Variants in SCAPER observed in about 807,000 individuals in gnomAD.
The protein encoded by SCAPER is S-phase cyclin A associated protein in the ER.
SCAPER carries 98 observed loss-of-function variants against 182.2 expected under a neutral mutation model. That is an observed-to-expected ratio of 0.54 (90% CI 0.46 to 0.64). SCAPER has a LOEUF of 0.64. Ranked by LOEUF, SCAPER falls within the 30% of genes least tolerant of loss-of-function variation. The pLI is 0.00. For missense variants in SCAPER, 1,432 were observed against 1,690.0 expected, an observed-to-expected ratio of 0.85 and a Z score of 2.68; for synonymous variants, 605 against 564.6, an observed-to-expected ratio of 1.07 and a Z score of -1.01.
At chr15:76,756,488 G>A (rs932941947) in intron 14 of SCAPER, among the ~76,000 whole-genome samples, 5 of 152,148 alleles carry the variant, frequency 3.3e-5, no homozygotes, top group Non-Finnish European at 4.4e-5. Flanking sequence ...TGAGGCAGGA[G>A]GATGGCTTGA....
chr15:76,521,703 C>T (rs2042851269), intron 23 of SCAPER, among the ~76,000 whole-genome samples: 1 of 152,132 alleles, frequency 6.6e-6, no homozygotes. Context: ...CTACATATTC[C>T]TCCCATAATT....
intron 2 of SCAPER, among the ~76,000 whole-genome samples, chr15:76,862,853 A>G (rs923109954): frequency 6.6e-6 from 1 of 152,216 alleles, no homozygotes; most frequent in Non-Finnish European, 1.5e-5. Context: ...TCCAAGTGTG[A>G]AAGAGACCAG....
At chr15:76,625,649 G>A (rs1196165830) in intron 21 of SCAPER, among the ~76,000 whole-genome samples, 1 of 152,136 alleles carries the variant, frequency 6.6e-6, no homozygotes, top group Admixed American at 6.5e-5. Flanking sequence ...GCTGCTCAGG[G>A]CTCAGGAGTA....
At chr15:76,815,556 C>T (rs898518753) in intron 5 of SCAPER, among the ~76,000 whole-genome samples, 8 of 152,172 alleles carry the variant, frequency 5.3e-5, no homozygotes, top group African/African-American at 1.9e-4. Context: ...CGTTATATGG[C>T]ATGGCCTATT....
rs543440452 is a variant in SCAPER at position 76,433,268 on chromosome 15, G to C, written c.3311+810C>G. On this transcript the variant is annotated intron_variant, in intron 26 of 31. Coordinates refer to ENST00000563290, the MANE Select transcript of SCAPER (RefSeq NM_020843.4). ...CACACCTGTAATCCCAGCACTTTGG[G>C]AGATGGAGGCGGGTGGGTCATTTGT... Among the ~76,000 whole-genome samples, 156 of 152,276 alleles carry C rather than the reference G, an allele frequency of 1.0e-3. 3 individuals are homozygous for C. Among genetic ancestry groups the C allele is most frequent in the African/African-American group, 3.7e-3 (152 of 41,542 alleles).
intron 8 of SCAPER, among the ~76,000 whole-genome samples, chr15:76,793,007 CCTTT>C (rs778943659): frequency 7.9e-5 from 12 of 152,214 alleles, no homozygotes; most frequent in Non-Finnish European, 1.6e-4. Flanking sequence ...CCATCTTTCT[CCTTT>C]CTAACTTCCA....
At chr15:76,534,106 T>G (rs1002584956) in intron 23 of SCAPER, among the ~76,000 whole-genome samples, 1 of 152,228 alleles carries the variant, frequency 6.6e-6, no homozygotes, top group African/African-American at 2.4e-5. Context: ...CCTGACAGTT[T>G]GCAGATTAAA....
intron 29 of SCAPER, among the ~76,000 whole-genome samples, chr15:76,373,417 AG>A (rs745857745): frequency 6.6e-6 from 1 of 152,156 alleles, no homozygotes; most frequent in Non-Finnish European, 1.5e-5. Context: ...GCAATTTAAT[AG>A]GTTGAATGGA....
chr15:76,774,061 A>T (rs1222877482), intron 9 of SCAPER, among the ~76,000 whole-genome samples: 1 of 151,884 alleles, frequency 6.6e-6, no homozygotes, highest in African/African-American at 2.4e-5. Context: ...AGCAAATTAC[A>T]CTCAATTTTC....
chr15:76,575,537 T>C (rs951892251), intron 22 of SCAPER, among the ~76,000 whole-genome samples: 1 of 152,350 alleles, frequency 6.6e-6, no homozygotes, highest in East Asian at 1.9e-4. Context: ...ATTACAGTCA[T>C]TCCTTCCAGA....
At chr15:76,438,159 G>A (rs2047317820) in intron 25 of SCAPER, among the ~76,000 whole-genome samples, 1 of 151,606 alleles carries the variant, frequency 6.6e-6, no homozygotes, top group Admixed American at 6.6e-5. Context: ...GCAGGTGCCT[G>A]TAATCCCAGC....
At chr15:76,580,530 G>A (rs1253683276) in intron 22 of SCAPER, among the ~76,000 whole-genome samples, 3 of 152,108 alleles carry the variant, frequency 2.0e-5, no homozygotes, top group Admixed American at 2.0e-4. Flanking sequence ...TAAGATAGAA[G>A]GCCCCCTTGA....
intron 5 of SCAPER, among the ~76,000 whole-genome samples, chr15:76,826,685 A>G (rs1312548545): frequency 1.3e-5 from 2 of 152,238 alleles, no homozygotes; most frequent in African/African-American, 4.8e-5. Context: ...AATAAATTAT[A>G]AAAGGAAAAA....
intron 9 of SCAPER, among the ~76,000 whole-genome samples, chr15:76,773,380 T>C (rs1349281165): frequency 6.6e-6 from 1 of 151,894 alleles, no homozygotes; most frequent in East Asian, 1.9e-4. Context: ...AGCATATAGG[T>C]TTATTCACTA....
chr15:76,660,161 G>A (rs553541400), intron 21 of SCAPER, among the ~76,000 whole-genome samples: 1 of 152,256 alleles, frequency 6.6e-6, no homozygotes, highest in African/African-American at 2.4e-5. Flanking sequence ...AATACTACAT[G>A]TTCTCATAAG....
At chr15:76,757,553 A>G (rs975296296) in intron 14 of SCAPER, among the ~76,000 whole-genome samples, 1 of 152,132 alleles carries the variant, frequency 6.6e-6, no homozygotes, top group African/African-American at 2.4e-5. Context: ...TATTACGAAT[A>G]ATGTTACAGT....
chr15:76,855,591 C>T (rs1297121162), intron 4 of SCAPER, among the ~76,000 whole-genome samples: 2 of 151,344 alleles, frequency 1.3e-5, no homozygotes, highest in Non-Finnish European at 2.9e-5. Context: ...AAACAAACAA[C>T]CCCATTAAAA....
At chr15:76,748,290 G>A (rs373827051) in intron 15 of SCAPER, among the ~76,000 whole-genome samples, 62 of 152,046 alleles carry the variant, frequency 4.1e-4, no homozygotes, top group African/African-American at 1.4e-3. Flanking sequence ...GCGCCTGGCC[G>A]AAATATGGAT....
intron 20 of SCAPER, among the ~76,000 whole-genome samples, chr15:76,686,296 A>T (rs912896986): frequency 5.0e-4 from 76 of 152,228 alleles, no homozygotes; most frequent in Middle Eastern, 3.4e-3. Context: ...ATACTTACCT[A>T]AAACATGAAG....
Sources: gnomAD v4.1 joint callset for allele counts (sites outside exome capture counted in the v4.1 genomes callset) on GRCh38, gnomAD v4.1.1 for gene constraint, MANE v1.5 for transcripts, NCBI Gene and HGNC (gene_info 2026-07-23, HGNC 2026-07-21) for gene names.